Variants in RALGPS1 observed in about 807,000 individuals in gnomAD.
The protein encoded by RALGPS1 is Ral GEF with PH domain and SH3 binding motif 1.
A neutral mutation model predicts 78.8 loss-of-function variants in RALGPS1; 19 were observed. The observed-to-expected ratio is 0.24, with a 90% CI of 0.17 to 0.35. The LOEUF (loss-of-function observed/expected upper bound fraction) is 0.35. Ranked by LOEUF, RALGPS1 falls within the 10% of genes least tolerant of loss-of-function variation. The probability of loss-of-function intolerance (pLI) is 1.00; values close to 1 mark genes in which losing one functional copy is unlikely to be tolerated. For missense variants in RALGPS1, 454 were observed against 688.3 expected (o/e 0.66, Z 3.81); for synonymous variants, 228 against 256.3 (o/e 0.89, Z 1.06).
intron 5 of RALGPS1, among the ~76,000 whole-genome samples, chr9:127,048,390 T>C (rs923348116): frequency 1.3e-5 from 2 of 152,254 alleles, no homozygotes; most frequent in Non-Finnish European, 2.9e-5. Flanking sequence ...TTTGGTTTAC[T>C]GTTTGAACTT....
At chr9:127,190,410 A>T (rs925732552) in intron 11 of RALGPS1, among the ~76,000 whole-genome samples, 4 of 151,928 alleles carry the variant, frequency 2.6e-5, no homozygotes, top group Non-Finnish European at 5.9e-5. Context: ...TGCAGCCTCC[A>T]CCTCCTGGGT....
chr9:126,965,148 T>G (rs2039349756), intron 2 of RALGPS1, among the ~76,000 whole-genome samples: 2 of 152,232 alleles, frequency 1.3e-5, no homozygotes, highest in Non-Finnish European at 2.9e-5. Flanking sequence ...TTCATATACA[T>G]GCAGGATGCA....
chr9:127,060,509 C>T (rs956723171), intron 7 of RALGPS1, among the ~76,000 whole-genome samples: 3 of 150,758 alleles, frequency 2.0e-5, no homozygotes, highest in African/African-American at 7.3e-5. Context: ...TAAGTATTAC[C>T]TGTTGTTGTT....
In RALGPS1 at chr9:127,211,121, A is replaced by G. The variant is rs1472318052; in HGVS notation, c.1248-1010A>G. Among the ~76,000 whole-genome samples, 1 of 152,244 alleles carries G rather than the reference A, an allele frequency of 6.6e-6. No individual in the cohort carries two copies. Among genetic ancestry groups the G allele is most frequent in the African/African-American group, 2.4e-5 (1 of 41,474 alleles). On this transcript the variant is annotated intron_variant, in intron 14 of 18. Transcript: ENST00000259351. This position sits in a 1 kb window ranked among gnomAD's most constrained non-coding sequence, Gnocchi z 5.0. Reference sequence around the variant, plus strand: ...AGGAAGAGCTGGGTGATTCGAGTGAAGGGAAGGGAGTGTTGGAAGGAATGA... The same window carrying G: ...AGGAAGAGCTGGGTGATTCGAGTGAGGGGAAGGGAGTGTTGGAAGGAATGA...
At chr9:127,007,500 G>A (rs2133807975) in intron 4 of RALGPS1, among the ~76,000 whole-genome samples, 1 of 152,322 alleles carries the variant, frequency 6.6e-6, no homozygotes, top group East Asian at 1.9e-4. Flanking sequence ...TGCCGTAGAA[G>A]TACATAGAAG....
At chr9:127,120,156 CTGA>C (rs1166493218) in intron 8 of RALGPS1, among the ~76,000 whole-genome samples, 1 of 152,188 alleles carries the variant, frequency 6.6e-6, no homozygotes, top group Non-Finnish European at 1.5e-5. Context: ...CGGGGCAAAC[CTGA>C]CTATGGATCC....
intron 8 of RALGPS1, among the ~76,000 whole-genome samples, chr9:127,114,754 G>A (rs558334279): frequency 1.3e-5 from 2 of 152,376 alleles, no homozygotes; most frequent in East Asian, 3.9e-4. Context: ...CCTCTGCCAA[G>A]GCAGTCAGGG....
intron 8 of RALGPS1, among the ~76,000 whole-genome samples, chr9:127,142,809 AC>A (rs2057869313): frequency 6.6e-6 from 1 of 152,190 alleles, no homozygotes; most frequent in Non-Finnish European, 1.5e-5. Flanking sequence ...CAAATTATAT[AC>A]ATTTGTGTGT....
chr9:127,161,491 T>C (rs1345273852), intron 8 of RALGPS1, among the ~76,000 whole-genome samples: 1 of 152,142 alleles, frequency 6.6e-6, no homozygotes, highest in African/African-American at 2.4e-5. Context: ...TTCTCTCACT[T>C]ATACCACAGC....
intron 4 of RALGPS1, among the ~76,000 whole-genome samples, chr9:126,999,463 C>T (rs1481126222): frequency 6.6e-6 from 1 of 152,182 alleles, no homozygotes; most frequent in African/African-American, 2.4e-5. Flanking sequence ...TTCTAAAATC[C>T]TCTGTGCCCC....
intron 4 of RALGPS1, among the ~76,000 whole-genome samples, chr9:127,021,617 T>C (rs1220372317): frequency 6.8e-6 from 1 of 146,474 alleles, no homozygotes; most frequent in Non-Finnish European, 1.5e-5. Flanking sequence ...GAAAAGTTTT[T>C]CTTCTTCTTC....
At chr9:126,997,459 C>A (rs1227025831) in intron 4 of RALGPS1, among the ~76,000 whole-genome samples, 1 of 152,158 alleles carries the variant, frequency 6.6e-6, no homozygotes, top group Non-Finnish European at 1.5e-5. Context: ...ATCCAACTTA[C>A]AAGGGATGTG....
At chr9:127,034,230 C>A (rs1459093374) in intron 4 of RALGPS1, among the ~76,000 whole-genome samples, 1 of 152,122 alleles carries the variant, frequency 6.6e-6, no homozygotes, top group African/African-American at 2.4e-5. Flanking sequence ...GAAAAGTAAT[C>A]CAGTTATCCT....
intron 8 of RALGPS1, among the ~76,000 whole-genome samples, chr9:127,129,943 C>T (rs1217421481): frequency 6.6e-6 from 1 of 152,244 alleles, no homozygotes; most frequent in Non-Finnish European, 1.5e-5. Context: ...GCCCTGTGCC[C>T]AGATGCTGGC....
chr9:127,088,775 T>G, intron 8 of RALGPS1: 1 of 760,942 alleles, frequency 1.3e-6, no homozygotes, highest in Non-Finnish European at 2.2e-6. Context: ...ACCGTATCGA[T>G]TCAGTTCCAT....
intron 3 of RALGPS1, among the ~76,000 whole-genome samples, chr9:126,967,272 T>G (rs556048498): frequency 1.3e-5 from 2 of 152,258 alleles, no homozygotes; most frequent in Admixed American, 1.3e-4. Context: ...CCTCCAGTAC[T>G]CTCTATGGTC....
chr9:127,202,675 AG>A (rs2061698469), intron 14 of RALGPS1, among the ~76,000 whole-genome samples: 1 of 152,130 alleles, frequency 6.6e-6, no homozygotes, highest in African/African-American at 2.4e-5. Context: ...GCTGCCTTAA[AG>A]ACCCTCCCCT....
chr9:127,213,385 G>A (rs1243046606), intron 17 of RALGPS1, among the ~76,000 whole-genome samples: 4 of 152,330 alleles, frequency 2.6e-5, no homozygotes, highest in Admixed American at 1.3e-4. Flanking sequence ...AAGGGTCTTG[G>A]CTCTGGGGAG....
intron 8 of RALGPS1, among the ~76,000 whole-genome samples, chr9:127,082,988 C>T (rs752597537): frequency 5.3e-5 from 8 of 152,096 alleles, no homozygotes; most frequent in African/African-American, 1.2e-4. Context: ...GCCACCTGGG[C>T]TTAGAAGGGT....
Sources: gnomAD v4.1 joint callset for allele counts (sites outside exome capture counted in the v4.1 genomes callset) on GRCh38, gnomAD v4.1.1 for gene constraint, Gnocchi (gnomAD v3.1) non-coding constraint, MANE v1.5 for transcripts, NCBI Gene and HGNC (gene_info 2026-07-23, HGNC 2026-07-21) for gene names.